Variants in KLK3 observed in about 807,000 individuals in gnomAD.
The protein encoded by KLK3 is prostate-specific antigen.
KLK3 carries 23 observed loss-of-function variants against 27.7 expected under a neutral mutation model. The ratio of observed to expected loss-of-function variants is 0.83; its 90% confidence interval spans 0.60 to 1.17. KLK3 has a LOEUF of 1.17. Ranked by LOEUF, KLK3 falls within the 50% of genes most tolerant of loss-of-function variation. KLK3 has a pLI of 0.00. For synonymous variants in KLK3, 142 were observed against 134.2 expected, an observed-to-expected ratio of 1.06 and a Z score of -0.40; for missense variants, 322 against 338.1, an observed-to-expected ratio of 0.95 and a Z score of 0.37.
rs199786442 is a variant in KLK3, at chr19:50,859,570, C to T, written c.631-402C>T. ...ACCGAACTGACCATGCCAGCCCTGC[C>T]GATGGTCCTCCATGGCTCCCTAGTG... On this transcript the variant is annotated intron_variant, in intron 4 of 4. Transcript: ENST00000326003. 3.0e-5 allele frequency: 49 copies of T among 1,613,798 alleles called. No individual in the cohort carries two copies. In the East Asian group the frequency reaches 3.1e-4, roughly 10 times the overall value.
chr19:50,859,644 C>A (rs10401479), intron 4 of KLK3: 1 of 1,609,628 alleles, frequency 6.2e-7, no homozygotes, highest in Non-Finnish European at 8.5e-7. Flanking sequence ...AAGGTGGCCT[C>A]TGTGAGGAGC....
chr19:50,859,893 G>A lies in KLK3; in HGVS notation c.631-79G>A. ...GGGAACTGCTATCTGTTATCTGCCT[G>A]TCCAGGTCTGAAAGATAGGATTGCC... is the stretch of plus-strand genomic sequence containing the variant. On this transcript the variant is annotated intron_variant, in intron 4 of 4. Transcript: ENST00000326003. 5 of 1,536,552 alleles carry A rather than the reference G, an allele frequency of 3.3e-6. No individual in the cohort carries two copies. In the Admixed American group the frequency reaches 5.8e-5, roughly 18 times the overall value.
Position 50,855,245 on chromosome 19 carries a change from C to G in KLK3, c.46+244C>G. 5.4e-6 allele frequency: 3 copies of G among 553,514 alleles called. No individual in the cohort carries two copies. In the South Asian group the frequency reaches 7.1e-5, roughly 13 times the overall value. 34.3% of individuals were successfully genotyped at this position (553,514 alleles called of 1,614,324 possible). A position where few individuals can be genotyped will look rare whatever the true frequency, so the allele number is the denominator to read the frequency against. On this transcript the variant is annotated intron_variant, in intron 1 of 4. Transcript: ENST00000326003. ...AACTTTCTCCCCATTGCCCAGCCAG[C>G]TCCCTGCTCCCAGCTGCTTTACTAA...
intron 3 of KLK3, 41 bp from the exon 4 acceptor site, chr19:50,858,418 G>A: frequency 6.2e-7 from 1 of 1,612,916 alleles, no homozygotes. Context: ...AAGGAACCAG[G>A]TGGGGTCCAG....
chr19:50,855,294 G>A (rs1348288162), intron 1 of KLK3: 3 of 492,052 alleles, frequency 6.1e-6, no homozygotes, highest in African/African-American at 1.9e-5. Context: ...GGGCATCTCC[G>A]TGTTTCTCTT....
Position 50,858,253 on chromosome 19 carries a change from A to G in KLK3, c.431A>G (p.Gln144Arg), listed in dbSNP as rs1448858367. ...GTGAAGGTCATGGACCTGCCCACCCAGGAGCCAGCACTGGGGACCACCTGC... is the reference window on the plus strand; with the variant it reads ...GTGAAGGTCATGGACCTGCCCACCCGGGAGCCAGCACTGGGGACCACCTGC... ...DAVKVMDLPT[Q>R]EPALGTTCYA... The change falls in exon 3 of 5, where the codon CAG (glutamine) becomes CGG (arginine). Residue 144 changes from glutamine (Q) to arginine (R), a missense_variant. Coordinates refer to ENST00000326003, the MANE Select transcript of KLK3 (RefSeq NM_001648.2). The G allele has an allele frequency of 6.2e-7, 1 of 1,614,182 alleles. No homozygotes were observed. The highest frequency in any genetic ancestry group is 8.5e-7 in the Non-Finnish European group (1 of 1,180,042).
rs1426416507 is a variant in KLK3, at chr19:50,856,411, C to A, written c.206+12C>A. 1 of 1,612,312 alleles carries A rather than the reference C, an allele frequency of 6.2e-7. No individual in the cohort carries two copies. The highest frequency in any genetic ancestry group is 1.3e-5 in the African/African-American group (1 of 74,970). On this transcript the variant is annotated intron_variant, in intron 2 of 4. Transcript: ENST00000326003. Reference sequence around the variant, plus strand: ...CACTGCATCAGGAAGTGAGTAGGGGCCTGGGGTCTGGGGAGCAGGTGTCTG... The same window carrying A: ...CACTGCATCAGGAAGTGAGTAGGGGACTGGGGTCTGGGGAGCAGGTGTCTG...
At position 50,857,162 on chromosome 19, in the gene KLK3, C is replaced by CAAAAAAA. The variant is rs560911495; in HGVS notation, c.206+778_206+784dup. 5.0e-3 allele frequency among the ~76,000 whole-genome samples: 233 copies of CAAAAAAA among 46,392 alleles called. 12 individuals carry two copies. Among genetic ancestry groups the CAAAAAAA allele is most frequent in the African/African-American group, 0.016 (218 of 13,430 alleles). 30.4% of individuals were successfully genotyped at this position (46,392 alleles called of 152,430 possible). On this transcript the variant is annotated intron_variant, in intron 2 of 4. Transcript: ENST00000326003. ...TGGGTGACAGAGTGAGACTCCGCCT[C>CAAAAAAA]AAAAAAAAAAAAAAAAAAAAAGAAA...
At position 50,858,510 on chromosome 19, in the gene KLK3, A is replaced by T. The variant is rs772853400; in HGVS notation, c.545A>T (p.Asp182Val). 8 of 1,614,178 alleles carry T rather than the reference A, an allele frequency of 5.0e-6. No individual in the cohort carries two copies. Among genetic ancestry groups the T allele is most frequent in the Non-Finnish European group, 6.8e-6 (8 of 1,180,038 alleles). ...QCVDLHVISN[D>V]VCAQVHPQKV... is the part of the protein sequence containing the mutation. ...GTGGACCTCCATGTTATTTCCAATG[A>T]CGTGTGTGCGCAAGTTCACCCTCAG... is the stretch of plus-strand genomic sequence containing the variant. Residue 182 changes from aspartate to valine, a missense_variant, in exon 4 of 5, where the codon GAC becomes GTC. Coordinates refer to ENST00000326003, the MANE Select transcript of KLK3 (RefSeq NM_001648.2).
At chr19:50,857,162 C>CAAAAAAAA (rs560911495) in intron 2 of KLK3, among the ~76,000 whole-genome samples, 577 of 46,396 alleles carry the variant, frequency 0.012, 43 homozygotes, top group African/African-American at 0.033. Flanking sequence ...GACTCCGCCT[C>CAAAAAAAA]AAAAAAAAAA....
At chr19:50,859,946 C>G (rs1435835281) in intron 4 of KLK3, 26 bp from the exon 5 acceptor site, 2 of 1,594,950 alleles carry the variant, frequency 1.3e-6, no homozygotes, top group Admixed American at 1.7e-5. Flanking sequence ...TGACCTATCT[C>G]ACTCTCTCCC....
rs560911495 is a variant in KLK3, at chr19:50,857,162, C to CAAAAAAAAAAAAAAAAAAAA, written c.206+765_206+784dup. Among the ~76,000 whole-genome samples the CAAAAAAAAAAAAAAAAAAAA allele has an allele frequency of 2.6e-4, 12 of 46,412 alleles. 1 individual carries two copies. The highest frequency in any genetic ancestry group is 4.1e-4 in the Non-Finnish European group (10 of 24,190). 30.4% of individuals were successfully genotyped at this position (46,412 alleles called of 152,430 possible). A position where few individuals can be genotyped will look rare whatever the true frequency, so the allele number is the denominator to read the frequency against. On this transcript the variant is annotated intron_variant, in intron 2 of 4. Coordinates refer to ENST00000326003, the MANE Select transcript of KLK3 (RefSeq NM_001648.2). ...TGGGTGACAGAGTGAGACTCCGCCT[C>CAAAAAAAAAAAAAAAAAAAA]AAAAAAAAAAAAAAAAAAAAAGAAA... is the stretch of plus-strand genomic sequence containing the variant.
At chr19:50,856,473 G>T in intron 2 of KLK3, 74 bp downstream of exon 2, 1 of 1,551,332 alleles carries the variant, frequency 6.4e-7, no homozygotes, top group Non-Finnish European at 8.8e-7. Flanking sequence ...TTTTCCCCAG[G>T]ATAACCTCTA....
chr19:50,857,969 G>C, intron 2 of KLK3, 60 bp from the exon 3 acceptor site: 2 of 1,527,048 alleles, frequency 1.3e-6, no homozygotes, highest in South Asian at 1.2e-5. Context: ...TTGCTCCTCT[G>C]TCCCTTCTCT....
In KLK3 at chr19:50,858,768, AG is replaced by A. The variant is rs200214438; in HGVS notation, c.630+175del. 1.6e-3 allele frequency: 1,117 copies of A among 688,654 alleles called. 10 individuals carry two copies. The African/African-American group carries it at 0.018, about 11-fold the overall frequency. 42.7% of individuals were successfully genotyped at this position (688,654 alleles called of 1,614,324 possible). A position where few individuals can be genotyped will look rare whatever the true frequency, so the allele number is the denominator to read the frequency against. ...CCTTCCCTCTTCTTTGACTCCCTCA[AG>A]GCAATAGGTTATTCTTACAGCACAA... is the stretch of plus-strand genomic sequence containing the variant. On this transcript the variant is annotated intron_variant, in intron 4 of 4. Coordinates refer to ENST00000326003, the MANE Select transcript of KLK3 (RefSeq NM_001648.2).
At chr19:50,859,385 G>A in intron 4 of KLK3, 1 of 611,830 alleles carries the variant, frequency 1.6e-6, no homozygotes, top group Non-Finnish European at 2.9e-6. Flanking sequence ...GGGAGGGAGG[G>A]CAGCAGGGAT....
chr19:50,856,658 C>T, intron 2 of KLK3: 2 of 457,134 alleles, frequency 4.4e-6, no homozygotes, highest in Non-Finnish European at 7.8e-6. Context: ...GGTTGTGTCT[C>T]TCCGTGTGAC....
chr19:50,859,854 C>T, intron 4 of KLK3, 118 bp from the exon 5 acceptor site: 1 of 1,508,688 alleles, frequency 6.6e-7, no homozygotes, highest in Non-Finnish European at 8.9e-7. Flanking sequence ...ACATTTCTCT[C>T]TTCTTCCAAA....
Position 50,856,238 on chromosome 19 carries a change from A to C in KLK3, c.47-2A>C. On this transcript the variant is annotated splice_acceptor_variant, in intron 1 of 4. Coordinates refer to ENST00000326003, the MANE Select transcript of KLK3 (RefSeq NM_001648.2). LOFTEE classifies it high-confidence loss of function. Reference sequence around the variant, plus strand: ...TCCCCTGATCTAGCACCCCCTCTGCAGGTGCTGCACCCCTCATCCTGTCTC... The same window carrying C: ...TCCCCTGATCTAGCACCCCCTCTGCCGGTGCTGCACCCCTCATCCTGTCTC... 1 of 1,610,844 alleles carries C rather than the reference A, an allele frequency of 6.2e-7. No individual in the cohort carries two copies. The highest frequency in any genetic ancestry group is 8.5e-7 in the Non-Finnish European group (1 of 1,178,946).
Sources: gnomAD v4.1 joint callset for allele counts (sites outside exome capture counted in the v4.1 genomes callset) on GRCh38, gnomAD v4.1.1 for gene constraint, MANE v1.5 for transcripts, NCBI Gene and HGNC (gene_info 2026-07-23, HGNC 2026-07-21) for gene names.